PVT1: variants seen among roughly 807,000 people sequenced by gnomAD.
PVT1 encodes the protein Pvt1 oncogene, also known as CXCR4/PVT1 fusion.
intron 5 of PVT1, among the ~76,000 whole-genome samples, chr8:128,073,801 T>C (rs73710133): frequency 4.0e-5 from 6 of 150,360 alleles, no homozygotes; most frequent in Admixed American, 2.0e-4. Context: ...AATTTTTTTT[T>C]CTTTTTTTTT....
At chr8:128,057,261 ATTAC>A (rs149837755) in intron 4 of PVT1, among the ~76,000 whole-genome samples, 8,814 of 152,248 alleles carry the variant, frequency 0.058, 292 homozygotes, top group South Asian at 0.14. Context: ...TGCTTTTCTT[ATTAC>A]TTACCATGTA....
chr8:127,984,726 C>T (rs1051894125), intron 3 of PVT1, among the ~76,000 whole-genome samples: 2 of 152,162 alleles, frequency 1.3e-5, no homozygotes, highest in African/African-American at 4.8e-5. Flanking sequence ...CCTGCCTCAG[C>T]CACCCAAGCA....
chr8:127,943,685 C>T (rs1326329467), intron 3 of PVT1, among the ~76,000 whole-genome samples: 5 of 152,074 alleles, frequency 3.3e-5, no homozygotes, highest in African/African-American at 9.7e-5. Flanking sequence ...GGTGGTGGTG[C>T]GTACATATGT....
chr8:127,869,983 T>C (rs1815334199), intron 2 of PVT1, among the ~76,000 whole-genome samples: 1 of 152,088 alleles, frequency 6.6e-6, no homozygotes, highest in African/African-American at 2.4e-5. Context: ...TTTGTACTTT[T>C]AGTAGAGACA....
chr8:127,886,828 A>G (rs192232770), intron 2 of PVT1, among the ~76,000 whole-genome samples: 1 of 152,212 alleles, frequency 6.6e-6, no homozygotes, highest in Admixed American at 6.5e-5. Flanking sequence ...TTAAGAATGG[A>G]TTACATTTCC....
intron 3 of PVT1, among the ~76,000 whole-genome samples, chr8:127,982,417 C>T (rs1441106675): frequency 5.3e-5 from 8 of 152,196 alleles, no homozygotes; most frequent in South Asian, 2.1e-4. Flanking sequence ...AGCTGTGTGC[C>T]GGGGACTCAG....
intron 2 of PVT1, among the ~76,000 whole-genome samples, chr8:127,798,462 C>T (rs911007893): frequency 1.3e-5 from 2 of 151,992 alleles, no homozygotes; most frequent in African/African-American, 2.4e-5. Context: ...TCTGCAGCCA[C>T]GGAGCAGTCA....
chr8:128,089,291 T>A (rs1364077646), intron 5 of PVT1, among the ~76,000 whole-genome samples: 1 of 152,166 alleles, frequency 6.6e-6, no homozygotes, highest in Non-Finnish European at 1.5e-5. Context: ...GAAGGCCCAG[T>A]TCCTCGTTCA....
At chr8:127,798,156 T>C (rs1461902827) in intron 2 of PVT1, among the ~76,000 whole-genome samples, 2 of 151,204 alleles carry the variant, frequency 1.3e-5, no homozygotes, top group African/African-American at 4.9e-5. Flanking sequence ...TACAAAAAAT[T>C]AGCCGGGCAT....
At chr8:128,029,627 C>G (rs982763891) in intron 4 of PVT1, among the ~76,000 whole-genome samples, 1 of 152,048 alleles carries the variant, frequency 6.6e-6, no homozygotes, top group Admixed American at 6.5e-5. Context: ...TGGTGAAACA[C>G]CGTCTTTACT....
chr8:127,881,940 A>G (rs1334458726), intron 2 of PVT1, among the ~76,000 whole-genome samples: 3 of 152,130 alleles, frequency 2.0e-5, no homozygotes, highest in East Asian at 1.9e-4. Context: ...TGGTTTCACC[A>G]TGTTGTCCAG....
chr8:127,819,568 T>A (rs1475204609), intron 2 of PVT1, among the ~76,000 whole-genome samples: 1 of 152,210 alleles, frequency 6.6e-6, no homozygotes, highest in African/African-American at 2.4e-5. Context: ...TATGCTCTCC[T>A]GTCTAGAGGT....
intron 3 of PVT1, among the ~76,000 whole-genome samples, chr8:127,929,661 G>T (rs184821586): frequency 6.6e-5 from 10 of 152,180 alleles, no homozygotes; most frequent in African/African-American, 2.4e-4. Flanking sequence ...CCAGCTACTC[G>T]GGAGGCTGAG....
intron 3 of PVT1, among the ~76,000 whole-genome samples, chr8:127,901,235 G>A (rs1272780322): frequency 6.6e-6 from 1 of 152,222 alleles, no homozygotes; most frequent in African/African-American, 2.4e-5. Context: ...AGGAAGTTGG[G>A]CTTGCTGCAG....
At chr8:127,992,622 G>C (rs951883862) in intron 4 of PVT1, among the ~76,000 whole-genome samples, 3 of 152,166 alleles carry the variant, frequency 2.0e-5, no homozygotes, top group African/African-American at 7.2e-5. Flanking sequence ...CGAGGAAATG[G>C]GCAATGAACA....
At chr8:128,088,325 G>A (rs77059239) in intron 5 of PVT1, among the ~76,000 whole-genome samples, 2,926 of 152,156 alleles carry the variant, frequency 0.019, 79 homozygotes, top group African/African-American at 0.067. Flanking sequence ...AGCTCGTGGC[G>A]CAGACTTGCC....
At chr8:128,083,813 T>G (rs1814221282) in intron 5 of PVT1, among the ~76,000 whole-genome samples, 1 of 152,216 alleles carries the variant, frequency 6.6e-6, no homozygotes, top group South Asian at 2.1e-4. Context: ...GGAACTGGTG[T>G]AACCTGGGTC....
At position 127,805,271 on chromosome 8, in the gene PVT1, CTG is replaced by C. The variant is rs543801210; in HGVS notation, n.372+9202_372+9203del. Among the ~76,000 whole-genome samples, 9 of 152,148 alleles carry C rather than the reference CTG, an allele frequency of 5.9e-5. No individual in the cohort carries two copies. The East Asian group carries it at 1.7e-3, about 29-fold the overall frequency. On this transcript the variant is annotated intron_variant and non_coding_transcript_variant, in intron 2 of 10. Coordinates refer to ENST00000651587, the Ensembl canonical transcript of PVT1. ...TTGGGTAGATATTTCTGTTCAGTGA[CTG>C]TTTCGTTGCTTACTTTATCATTCCT...
chr8:128,059,359 C>G (rs528724762), intron 4 of PVT1, among the ~76,000 whole-genome samples: 6 of 152,138 alleles, frequency 3.9e-5, no homozygotes, highest in Non-Finnish European at 8.8e-5. Context: ...ACGTGTCCAC[C>G]AGGGGTGGTC....
Sources: gnomAD v4.1 joint callset for allele counts (sites outside exome capture counted in the v4.1 genomes callset) on GRCh38, gnomAD v4.1.1 for gene constraint, MANE v1.5 for transcripts, NCBI Gene and HGNC (gene_info 2026-07-23, HGNC 2026-07-21) for gene names.